Variants in OLA1 observed in about 807,000 individuals in gnomAD.
OLA1 encodes Obg like ATPase 1.
A neutral mutation model predicts 48.4 loss-of-function variants in OLA1; 14 were observed. That is an observed-to-expected ratio of 0.29 (90% CI 0.19 to 0.45). The LOEUF is 0.45. OLA1 is among the 20% of genes least tolerant of loss of function. OLA1 has a pLI of 1.00. For synonymous variants in OLA1, 127 were observed against 150.4 expected (o/e 0.84, Z 1.14); for missense variants, 325 against 467.1 (o/e 0.70, Z 2.80).
chr2:174,103,788 C>T (rs1281028709), intron 7 of OLA1, among the ~76,000 whole-genome samples: 7 of 152,118 alleles, frequency 4.6e-5, no homozygotes, highest in Non-Finnish European at 7.4e-5. Flanking sequence ...AAAACAAAAA[C>T]AAGAGACAAG....
In OLA1 at chr2:174,075,357, G is replaced by A. The variant is rs13390888; in HGVS notation, c.*69C>T. The A allele has an allele frequency of 2.0e-5, 17 of 863,866 alleles. No homozygotes were observed. The highest frequency in any genetic ancestry group is 2.9e-5 in the Non-Finnish European group (16 of 544,996). The allele number at this position is 863,866 out of a possible 1,614,324, so 53.5% of individuals were successfully genotyped here. On this transcript the variant is annotated 3_prime_UTR_variant, in exon 11 of 11. Transcript: ENST00000284719. ...ACTTTATTTGTCGCATTGGTTTTCA[G>A]AAATTTTAATTTTTTAAAAATCAGA...
chr2:174,097,175 T>A (rs1015340638), intron 7 of OLA1, among the ~76,000 whole-genome samples: 8 of 151,982 alleles, frequency 5.3e-5, no homozygotes, highest in East Asian at 1.9e-4. Context: ...AAATTAATTT[T>A]AAAAAATAAA....
intron 4 of OLA1, among the ~76,000 whole-genome samples, chr2:174,202,303 T>C (rs6723131): frequency 0.026 from 3,959 of 152,302 alleles, 164 homozygotes; most frequent in African/African-American, 0.089. Flanking sequence ...TAAAATTAAC[T>C]GTACTCCATA....
intron 7 of OLA1, among the ~76,000 whole-genome samples, chr2:174,097,016 C>G (rs900712265): frequency 6.6e-6 from 1 of 151,986 alleles, no homozygotes; most frequent in African/African-American, 2.4e-5. Context: ...ATTGGCCGGG[C>G]GTGGTGGCAG....
At chr2:174,080,295 A>G (rs1684829993) in intron 9 of OLA1, among the ~76,000 whole-genome samples, 1 of 152,090 alleles carries the variant, frequency 6.6e-6, no homozygotes, top group Non-Finnish European at 1.5e-5. Context: ...CAGGAATCAA[A>G]GCACCACTAA....
chr2:174,139,635 G>A (rs1259078730), intron 5 of OLA1, among the ~76,000 whole-genome samples: 1 of 152,164 alleles, frequency 6.6e-6, no homozygotes, highest in Non-Finnish European at 1.5e-5. Flanking sequence ...GGGAGGCCGA[G>A]GTGGGTGGAT....
At chr2:174,151,339 A>C (rs748093276) in intron 4 of OLA1, among the ~76,000 whole-genome samples, 11 of 152,152 alleles carry the variant, frequency 7.2e-5, no homozygotes, top group Non-Finnish European at 1.5e-4. Context: ...CTAAAATGCA[A>C]ACTTCAGAAA....
chr2:174,146,289 T>C (rs1035904865), intron 4 of OLA1, among the ~76,000 whole-genome samples: 14 of 152,158 alleles, frequency 9.2e-5, no homozygotes, highest in Non-Finnish European at 2.9e-5. Flanking sequence ...GGCAGGGTGA[T>C]AAGATAAGAC....
chr2:174,134,708 A>G (rs2105375226), intron 5 of OLA1, among the ~76,000 whole-genome samples: 1 of 152,062 alleles, frequency 6.6e-6, no homozygotes, highest in African/African-American at 2.4e-5. Flanking sequence ...TATAGGGGTA[A>G]TGGTTGTACA....
chr2:174,242,468 G>A (rs2083406), intron 2 of OLA1, among the ~76,000 whole-genome samples: 10,208 of 152,128 alleles, frequency 0.067, 1,134 homozygotes, highest in African/African-American at 0.23. Flanking sequence ...GCCACAGATC[G>A]GTACCAGTCC....
chr2:174,105,685 T>C (rs1011004905), intron 7 of OLA1, among the ~76,000 whole-genome samples: 1 of 152,038 alleles, frequency 6.6e-6, no homozygotes, highest in Admixed American at 6.6e-5. Context: ...GATAATCTGT[T>C]TGCTGATAAG....
chr2:174,151,378 A>G (rs1341107719), intron 4 of OLA1, among the ~76,000 whole-genome samples: 1 of 152,222 alleles, frequency 6.6e-6, no homozygotes, highest in Non-Finnish European at 1.5e-5. Flanking sequence ...ACACAAATAT[A>G]TGGTCATATC....
At chr2:174,187,170 T>TAA (rs1687676239) in intron 4 of OLA1, among the ~76,000 whole-genome samples, 1 of 152,206 alleles carries the variant, frequency 6.6e-6, no homozygotes, top group South Asian at 2.1e-4. Context: ...TTTGTGGTAA[T>TAA]AAAGCATCTG....
At chr2:174,207,527 C>T (rs1688144563) in intron 4 of OLA1, among the ~76,000 whole-genome samples, 1 of 152,184 alleles carries the variant, frequency 6.6e-6, no homozygotes, top group African/African-American at 2.4e-5. Context: ...AAGAACTTGT[C>T]TGACCAGCCT....
chr2:174,227,533 G>A (rs749628748), intron 3 of OLA1, among the ~76,000 whole-genome samples: 31 of 152,110 alleles, frequency 2.0e-4, no homozygotes, highest in Non-Finnish European at 3.5e-4. Context: ...CTAAGAATCT[G>A]GGTATGCAAG....
At chr2:174,150,568 T>C (rs1686719948) in intron 4 of OLA1, among the ~76,000 whole-genome samples, 1 of 152,246 alleles carries the variant, frequency 6.6e-6, no homozygotes, top group African/African-American at 2.4e-5. Flanking sequence ...TTATGCTTTT[T>C]CCATATTCTA....
intron 2 of OLA1, among the ~76,000 whole-genome samples, chr2:174,236,860 T>C (rs1001084532): frequency 2.0e-5 from 3 of 152,144 alleles, no homozygotes; most frequent in African/African-American, 7.2e-5. Context: ...TGAGTGGAGC[T>C]TGCAGGCCTG....
chr2:174,118,609 T>A (rs946999635), intron 7 of OLA1, among the ~76,000 whole-genome samples: 31 of 152,224 alleles, frequency 2.0e-4, no homozygotes, highest in Non-Finnish European at 2.9e-5. Flanking sequence ...CTGTGGAAGC[T>A]AGAAAAAATT....
intron 2 of OLA1, among the ~76,000 whole-genome samples, chr2:174,244,710 A>AC (rs1490272637): frequency 6.7e-6 from 1 of 149,464 alleles, no homozygotes; most frequent in Admixed American, 6.7e-5. Flanking sequence ...TGCAACCTCC[A>AC]CCCCCCGGGC....
Sources: gnomAD v4.1 joint callset for allele counts (sites outside exome capture counted in the v4.1 genomes callset) on GRCh38, gnomAD v4.1.1 for gene constraint, MANE v1.5 for transcripts, NCBI Gene and HGNC (gene_info 2026-07-23, HGNC 2026-07-21) for gene names.